The following TCF12 variants were observed in gnomAD, a reference collection of about 807,000 sequenced individuals.
TCF12 encodes transcription factor 12, also known as DNA-binding protein HTF4.
TCF12 carries 45 observed loss-of-function variants against 86.0 expected under a neutral mutation model. The observed-to-expected ratio is 0.52, with a 90% confidence interval of 0.41 to 0.67. The LOEUF (loss-of-function observed/expected upper bound fraction) is 0.67. TCF12 is among the 30% of genes least tolerant of loss of function. The pLI, the probability that TCF12 is intolerant of heterozygous loss-of-function variation, is 0.00. For synonymous variants in TCF12, 330 were observed against 299.6 expected (o/e 1.10, Z -1.05); for missense variants, 881 against 859.9 (o/e 1.02, Z -0.31).
At chr15:57,170,274 ATT>A (rs533740607) in intron 6 of TCF12, among the ~76,000 whole-genome samples, 1 of 144,754 alleles carries the variant, frequency 6.9e-6, no homozygotes. Flanking sequence ...GGAATTAAAA[ATT>A]TTTTTTTTTT....
intron 16 of TCF12, among the ~76,000 whole-genome samples, chr15:57,253,706 A>AT (rs1449256747): frequency 6.6e-6 from 1 of 152,136 alleles, no homozygotes; most frequent in Admixed American, 6.5e-5. Context: ...TAAAACTTGG[A>AT]TTTTTTTCCA....
chr15:57,251,419 C>T lies in TCF12; in HGVS notation c.1184C>T (p.Ser395Phe), dbSNP rs200108023. 1.9e-6 allele frequency: 3 copies of T among 1,613,844 alleles called. No homozygotes were observed. Among genetic ancestry groups the T allele is most frequent in the Non-Finnish European group, 2.5e-6 (3 of 1,179,832 alleles). The change falls in exon 14 of 21, where the codon TCC becomes TTC. Residue 395 changes from serine (S) to phenylalanine (F), a missense_variant. Ser to Phe is a radical substitution (Grantham distance 155). Around this residue, in one of 3 missense-constraint regions of TCF12, gnomAD observed 766 missense variants for 718.9 expected, o/e 1.07. Coordinates refer to ENST00000333725, the MANE Select transcript of TCF12 (RefSeq NM_207037.2). ...SSPSYENSLH[S>F]LKNRVEQQLH... ...CCAAGCTATGAAAACTCACTCCACT[C>T]CCTGGTAAGAGCCTCTTATACATCA...
intron 19 of TCF12, among the ~76,000 whole-genome samples, chr15:57,277,314 A>T (rs1160209869): frequency 6.6e-6 from 1 of 151,922 alleles, no homozygotes; most frequent in African/African-American, 2.4e-5. Flanking sequence ...GACAGTGCCA[A>T]GTCCACCCTG....
intron 5 of TCF12, among the ~76,000 whole-genome samples, chr15:57,155,326 T>A (rs2054040161): frequency 6.6e-6 from 1 of 152,208 alleles, no homozygotes; most frequent in Admixed American, 6.5e-5. Flanking sequence ...GATTTTTATT[T>A]TGAGTTATGC....
chr15:56,987,042 A>G (rs754300126), intron 3 of TCF12, among the ~76,000 whole-genome samples: 5 of 152,170 alleles, frequency 3.3e-5, no homozygotes, highest in Non-Finnish European at 7.4e-5. Flanking sequence ...GATAACGCCA[A>G]TACTTGAATT....
intron 3 of TCF12, among the ~76,000 whole-genome samples, chr15:57,057,497 A>C (rs1303222243): frequency 6.6e-6 from 1 of 152,210 alleles, no homozygotes; most frequent in Non-Finnish European, 1.5e-5. Context: ...TTTTCATCCC[A>C]ATCAGCCTGT....
Position 57,113,499 on chromosome 15 carries a change from A to G in TCF12, c.325+21608A>G, listed in dbSNP as rs2050634580. On this transcript the variant is annotated intron_variant, in intron 5 of 20. Coordinates refer to ENST00000333725, the MANE Select transcript of TCF12 (RefSeq NM_207037.2). Reference sequence around the variant, plus strand: ...ATATAGCAACATTCAGTAAATTAGCATTTCTTGACTGGCAATCCCTTACCT... The same window carrying G: ...ATATAGCAACATTCAGTAAATTAGCGTTTCTTGACTGGCAATCCCTTACCT... 2.6e-5 allele frequency among the ~76,000 whole-genome samples: 4 copies of G among 152,182 alleles called. No individual in the cohort carries two copies. In the South Asian group the frequency reaches 8.3e-4, roughly 32 times the overall value.
At chr15:57,161,774 A>G (rs1222338555) in intron 5 of TCF12, among the ~76,000 whole-genome samples, 4 of 152,244 alleles carry the variant, frequency 2.6e-5, no homozygotes, top group Admixed American at 2.6e-4. Flanking sequence ...TTTTTGTCAC[A>G]GTAGAACAAT....
rs141779227 is a variant in TCF12, at chr15:57,075,678, G to A, written c.222+11855G>A. Among the ~76,000 whole-genome samples, 352 of 152,104 alleles carry A rather than the reference G, an allele frequency of 2.3e-3. 1 individual carries two copies. The highest frequency in any genetic ancestry group is 8.1e-3 in the African/African-American group (337 of 41,500). On this transcript the variant is annotated intron_variant, in intron 4 of 20. Coordinates refer to ENST00000333725, the MANE Select transcript of TCF12 (RefSeq NM_207037.2). Reference sequence around the variant, plus strand: ...TCTGTTTTGTAATACAAGGAACAGGGAATTTAAGCCTGAGTTCTCTCATTA... The same window carrying A: ...TCTGTTTTGTAATACAAGGAACAGGAAATTTAAGCCTGAGTTCTCTCATTA...
chr15:56,998,457 CAAAAAAAAA>C (rs71113049), intron 3 of TCF12, among the ~76,000 whole-genome samples: 1 of 110,672 alleles, frequency 9.0e-6, no homozygotes, highest in African/African-American at 3.7e-5. Context: ...AACTCTGTCT[CAAAAAAAAA>C]AAAAAAAAAA....
chr15:57,263,442 AAGT>A (rs1157108395), intron 18 of TCF12, among the ~76,000 whole-genome samples, 168 bp downstream of exon 18: 3 of 152,186 alleles, frequency 2.0e-5, no homozygotes, highest in Non-Finnish European at 4.4e-5. Flanking sequence ...TATAAAAGAG[AAGT>A]ATATGAAGGT....
intron 3 of TCF12, among the ~76,000 whole-genome samples, chr15:56,927,797 A>G (rs1567116044): frequency 6.6e-6 from 1 of 152,244 alleles, no homozygotes; most frequent in Non-Finnish European, 1.5e-5. Context: ...TTATCAGGCC[A>G]GGGATTGATG....
chr15:57,194,969 C>T (rs145784692), intron 7 of TCF12, among the ~76,000 whole-genome samples: 1 of 152,120 alleles, frequency 6.6e-6, no homozygotes, highest in East Asian at 1.9e-4. Context: ...ATGGCATGAT[C>T]TCGGCTCACT....
At position 57,067,322 on chromosome 15, in the gene TCF12, C is replaced by T. The variant is rs185696525; in HGVS notation, c.222+3499C>T. Among the ~76,000 whole-genome samples the T allele has an allele frequency of 2.5e-3, 384 of 151,952 alleles. 2 individuals carry two copies. Among genetic ancestry groups the T allele is most frequent in the Middle Eastern group, 0.01 (3 of 292 alleles). On this transcript the variant is annotated intron_variant, in intron 4 of 20. Transcript: ENST00000333725. ...TTGGGAGGCCGAGGCGGGCGGATCA[C>T]GAGGTCAGGAGATCGAGACCATCCC... is the stretch of plus-strand genomic sequence containing the variant.
chr15:57,020,672 A>G (rs1402171070), intron 3 of TCF12, among the ~76,000 whole-genome samples: 1 of 152,210 alleles, frequency 6.6e-6, no homozygotes, highest in Non-Finnish European at 1.5e-5. Context: ...GTTCAACGAA[A>G]TAAACATATA....
At chr15:56,940,564 CTCTTCT>C (rs372805592) in intron 3 of TCF12, among the ~76,000 whole-genome samples, 3 of 139,596 alleles carry the variant, frequency 2.1e-5, no homozygotes, top group Non-Finnish European at 4.6e-5. Flanking sequence ...TTTCCTCTTC[CTCTTCT>C]TCTTCTTCTC....
chr15:57,228,077 G>A (rs2058970718), intron 8 of TCF12, among the ~76,000 whole-genome samples: 1 of 151,952 alleles, frequency 6.6e-6, no homozygotes, highest in Non-Finnish European at 1.5e-5. Context: ...TTTAATTTGT[G>A]GCCAGTACTG....
At chr15:57,258,459 A>G (rs2152041317) in intron 16 of TCF12, among the ~76,000 whole-genome samples, 1 of 152,306 alleles carries the variant, frequency 6.6e-6, no homozygotes, top group South Asian at 2.1e-4. Flanking sequence ...CCTCAGTCAG[A>G]CAGTAACTTC....
At chr15:57,037,719 A>T (rs1475550980) in intron 3 of TCF12, among the ~76,000 whole-genome samples, 1 of 152,192 alleles carries the variant, frequency 6.6e-6, no homozygotes, top group East Asian at 1.9e-4. Context: ...GGGTAGTATC[A>T]ATTTTAGTAC....
Sources: gnomAD v4.1 joint callset for allele counts (sites outside exome capture counted in the v4.1 genomes callset) on GRCh38, gnomAD v4.1.1 for gene constraint, gnomAD v4.1.1 regional missense constraint, MANE v1.5 for transcripts, NCBI Gene and HGNC (gene_info 2026-07-23, HGNC 2026-07-21) for gene names.